The following CTNNA2 variants were observed in gnomAD, a reference collection of about 807,000 sequenced individuals.
CTNNA2 encodes catenin alpha 2.
Under a neutral mutation model 101.0 loss-of-function variants are expected in CTNNA2, and 42 were observed. The observed-to-expected ratio is 0.42, with a 90% CI of 0.32 to 0.54. The LOEUF (loss-of-function observed/expected upper bound fraction) is 0.54, where lower values mean the gene tolerates loss of function less well. Ranked by LOEUF, CTNNA2 falls within the 20% of genes least tolerant of loss-of-function variation. The pLI is 0.14. For synonymous variants in CTNNA2, 450 were observed against 456.4 expected (o/e 0.99, Z 0.18); for missense variants, 871 against 1,223.1 (o/e 0.71, Z 4.29).
chr2:80,546,141 T>G, intron 11 of CTNNA2, 78 bp downstream of exon 11: 18 of 1,539,610 alleles, frequency 1.2e-5, no homozygotes, highest in Non-Finnish European at 1.6e-5. Context: ...CTCGCAAATG[T>G]CATGGATCTG....
intron 3 of CTNNA2, among the ~76,000 whole-genome samples, chr2:79,327,273 G>A (rs998765089): frequency 1.3e-5 from 2 of 152,154 alleles, no homozygotes; most frequent in Non-Finnish European, 2.9e-5. Flanking sequence ...CTCTTAGATG[G>A]AGAAGAGTGA....
chr2:80,482,992 T>A (rs1686267527), intron 9 of CTNNA2, among the ~76,000 whole-genome samples: 1 of 152,178 alleles, frequency 6.6e-6, no homozygotes, highest in African/African-American at 2.4e-5. Context: ...GTGAACACTT[T>A]TTAGTAGATC....
chr2:80,531,458 G>C (rs149183575), intron 9 of CTNNA2, among the ~76,000 whole-genome samples: 1 of 152,348 alleles, frequency 6.6e-6, no homozygotes, highest in East Asian at 1.9e-4. Flanking sequence ...CTCTTGGTTA[G>C]AGAGGCCTCT....
At chr2:79,908,583 C>A (rs942079361) in intron 6 of CTNNA2, among the ~76,000 whole-genome samples, 1 of 152,216 alleles carries the variant, frequency 6.6e-6, no homozygotes. Context: ...CTAGACTTCA[C>A]ACAGTTAATG....
chr2:80,624,821 C>G (rs1041587252), intron 18 of CTNNA2, among the ~76,000 whole-genome samples: 5 of 151,808 alleles, frequency 3.3e-5, no homozygotes, highest in Non-Finnish European at 7.4e-5. Flanking sequence ...AGTGAACAAA[C>G]TAAGGTTGAC....
chr2:79,230,491 G>C (rs1674475612), intron 2 of CTNNA2, among the ~76,000 whole-genome samples: 1 of 152,202 alleles, frequency 6.6e-6, no homozygotes, highest in African/African-American at 2.4e-5. Flanking sequence ...GAAGATGTAT[G>C]GAAACACCTG....
chr2:80,047,031 C>T (rs185447895), intron 7 of CTNNA2, among the ~76,000 whole-genome samples: 7 of 152,102 alleles, frequency 4.6e-5, no homozygotes, highest in Non-Finnish European at 7.4e-5. Context: ...CCCCCAGTTG[C>T]GATACCTGAA....
intron 4 of CTNNA2, among the ~76,000 whole-genome samples, chr2:79,469,878 C>T (rs1208524504): frequency 2.0e-5 from 3 of 152,246 alleles, no homozygotes; most frequent in Admixed American, 6.5e-5. Context: ...TGGGATGTAT[C>T]TCAAAATGAA....
chr2:79,728,688 A>C (rs147945411), intron 2 of CTNNA2, among the ~76,000 whole-genome samples: 7 of 152,026 alleles, frequency 4.6e-5, no homozygotes, highest in East Asian at 1.9e-4. Flanking sequence ...AGGTTTTCTT[A>C]TAGGGTTTTT....
chr2:80,618,346 A>G (rs1699020862), intron 17 of CTNNA2, among the ~76,000 whole-genome samples: 1 of 151,836 alleles, frequency 6.6e-6, no homozygotes, highest in African/African-American at 2.4e-5. Flanking sequence ...GATGAACTCT[A>G]ACTACTCCTT....
intron 7 of CTNNA2, among the ~76,000 whole-genome samples, chr2:79,992,617 T>G (rs1692260503): frequency 6.6e-6 from 1 of 152,186 alleles, no homozygotes; most frequent in Non-Finnish European, 1.5e-5. Context: ...CTAAGAGCGT[T>G]TATATGGGAG....
At chr2:79,325,952 T>G (rs1676735742) in intron 3 of CTNNA2, among the ~76,000 whole-genome samples, 1 of 152,194 alleles carries the variant, frequency 6.6e-6, no homozygotes, top group African/African-American at 2.4e-5. Context: ...TACCTAACTT[T>G]GTATAAGAGT....
rs1320321278 is a variant in CTNNA2 at position 79,326,909 on chromosome 2, TG to T, written c.-318+14117del. Among the ~76,000 whole-genome samples the T allele has an allele frequency of 2.0e-5, 3 of 152,244 alleles. No individual in the cohort carries two copies. In the East Asian group the frequency reaches 5.8e-4, roughly 29 times the overall value. ...ATTGAGGGGTCTCCTAACCACATAG[TG>T]GGGAGGCTGGTCTCCTAGAGGAGAA... is the stretch of plus-strand genomic sequence containing the variant. On this transcript the variant is annotated intron_variant, in intron 3 of 21. Transcript: ENST00000466387.
chr2:80,290,661 T>C (rs555029025), intron 7 of CTNNA2, among the ~76,000 whole-genome samples: 34 of 152,282 alleles, frequency 2.2e-4, no homozygotes, highest in African/African-American at 7.9e-4. Flanking sequence ...TGTATATCTT[T>C]TTATGTACTA....
chr2:79,433,885 T>C (rs1678682594), intron 4 of CTNNA2, among the ~76,000 whole-genome samples: 1 of 152,196 alleles, frequency 6.6e-6, no homozygotes, highest in Non-Finnish European at 1.5e-5. Context: ...TAGTAGGTGA[T>C]CATGAAATAT....
intron 2 of CTNNA2, among the ~76,000 whole-genome samples, chr2:79,693,125 A>C (rs1402164376): frequency 6.6e-6 from 1 of 152,076 alleles, no homozygotes; most frequent in Non-Finnish European, 1.5e-5. Flanking sequence ...AGAGTTGGAA[A>C]GACATTCCAT....
intron 4 of CTNNA2, among the ~76,000 whole-genome samples, chr2:79,444,303 T>C (rs966022937): frequency 6.6e-6 from 1 of 152,142 alleles, no homozygotes; most frequent in Non-Finnish European, 1.5e-5. Context: ...TTTGACTTTT[T>C]TCCCAAGGAG....
chr2:80,368,711 C>A (rs1675159480), intron 7 of CTNNA2, among the ~76,000 whole-genome samples: 1 of 150,258 alleles, frequency 6.7e-6, no homozygotes, highest in South Asian at 2.1e-4. Context: ...GGGGCATATT[C>A]TAAATATCTC....
At chr2:79,973,985 G>A (rs2104580659) in intron 7 of CTNNA2, among the ~76,000 whole-genome samples, 1 of 152,084 alleles carries the variant, frequency 6.6e-6, no homozygotes, top group Non-Finnish European at 1.5e-5. Flanking sequence ...TAATGTTGCA[G>A]TGGCCTTTGT....
Sources: gnomAD v4.1 joint callset for allele counts (sites outside exome capture counted in the v4.1 genomes callset) on GRCh38, gnomAD v4.1.1 for gene constraint, MANE v1.5 for transcripts, NCBI Gene and HGNC (gene_info 2026-07-23, HGNC 2026-07-21) for gene names.